STPG2: variants seen among roughly 807,000 people sequenced by gnomAD.
STPG2 encodes sperm-tail PG-rich repeat-containing protein 2.
A neutral mutation model predicts 54.2 loss-of-function variants in STPG2; 56 were observed. The ratio of observed to expected loss-of-function variants is 1.03; its 90% CI spans 0.83 to 1.29. The LOEUF is 1.29. Among genes scored for constraint, STPG2 ranks in the 50% most tolerant of loss-of-function variants. The probability of loss-of-function intolerance (pLI) is 0.00; values close to 1 mark genes in which losing one functional copy is unlikely to be tolerated. For missense variants in STPG2, 596 were observed against 544.9 expected (o/e 1.09, Z -0.93); for synonymous variants, 200 against 181.8 (o/e 1.10, Z -0.81).
At chr4:97,597,772 A>T (rs1424182563) in intron 10 of STPG2, among the ~76,000 whole-genome samples, 1 of 152,150 alleles carries the variant, frequency 6.6e-6, no homozygotes, top group African/African-American at 2.4e-5. Flanking sequence ...CCCACAACCT[A>T]CATCATACTG....
At chr4:97,504,839 C>T (rs1249612833) in intron 4 of STPG2, among the ~76,000 whole-genome samples, 3 of 151,908 alleles carry the variant, frequency 2.0e-5, no homozygotes, top group Non-Finnish European at 4.4e-5. Context: ...CCTACTATGT[C>T]CCAGGGACTA....
chr4:97,458,326 A>T (rs1258170352), intron 4 of STPG2, among the ~76,000 whole-genome samples: 1 of 152,192 alleles, frequency 6.6e-6, no homozygotes, highest in East Asian at 1.9e-4. Context: ...CTGAAGAACA[A>T]TTCATTTGTC....
chr4:97,464,526 C>T (rs1227295610), intron 4 of STPG2, among the ~76,000 whole-genome samples: 1 of 152,106 alleles, frequency 6.6e-6, no homozygotes, highest in Non-Finnish European at 1.5e-5. Flanking sequence ...AAGCAATTCT[C>T]CTGCCTCAGC....
intron 5 of STPG2, among the ~76,000 whole-genome samples, chr4:98,053,361 T>G (rs1388746187): frequency 6.6e-6 from 1 of 152,138 alleles, no homozygotes; most frequent in Admixed American, 6.6e-5. Flanking sequence ...ACACATCTGT[T>G]GCTAATCATA....
downstream of STPG2, among the ~76,000 whole-genome samples, chr4:97,555,868 G>C (rs547981505): frequency 2.0e-5 from 3 of 152,134 alleles, no homozygotes; most frequent in South Asian, 6.2e-4. Context: ...CTCTTGCTCT[G>C]AGTAAGTCAT....
chr4:98,018,473 A>C (rs972399201), intron 5 of STPG2, among the ~76,000 whole-genome samples: 3 of 152,220 alleles, frequency 2.0e-5, no homozygotes, highest in African/African-American at 7.2e-5. Flanking sequence ...TGCCACAATA[A>C]ACATACGTGT....
At chr4:97,810,462 CAAAA>C (rs11386288) in intron 9 of STPG2, among the ~76,000 whole-genome samples, 1 of 112,972 alleles carries the variant, frequency 8.9e-6, no homozygotes, top group Admixed American at 9.6e-5. Context: ...GACTCTGTCT[CAAAA>C]AAAAAAAAAA....
intron 4 of STPG2, among the ~76,000 whole-genome samples, chr4:97,523,974 G>T (rs186431939): frequency 1.2e-4 from 19 of 152,014 alleles, no homozygotes; most frequent in Admixed American, 1.2e-3. Context: ...ATCTCTGAAG[G>T]AGGACTCAGA....
At chr4:97,822,616 A>G (rs2149105829) in intron 9 of STPG2, among the ~76,000 whole-genome samples, 1 of 152,376 alleles carries the variant, frequency 6.6e-6, no homozygotes, top group East Asian at 1.9e-4. Flanking sequence ...GTACAAGCAT[A>G]GTGCTGATAC....
intron 9 of STPG2, among the ~76,000 whole-genome samples, chr4:97,755,177 A>G (rs184608252): frequency 4.6e-5 from 7 of 152,320 alleles, no homozygotes; most frequent in Admixed American, 4.6e-4. Context: ...ATAAACAGGC[A>G]TCTTTAATTA....
Position 97,742,559 on chromosome 4 carries a change from G to GTATA in STPG2, c.1205-29746_1205-29745insTATA, listed in dbSNP as rs1190365992. On this transcript the variant is annotated intron_variant, in intron 9 of 10. Transcript: ENST00000295268. ...TGTGTGTGTGTGTGTGTGTGTGTGT[G>GTATA]TGTGTGTCTATATATATATGGAATA... Among the ~76,000 whole-genome samples, 25 of 132,720 alleles carry GTATA rather than the reference G, an allele frequency of 1.9e-4. 1 individual carries two copies. Among genetic ancestry groups the GTATA allele is most frequent in the Admixed American group, 6.7e-4 (9 of 13,384 alleles). 87.1% of individuals were successfully genotyped at this position (132,720 alleles called of 152,430 possible). A position where few individuals can be genotyped will look rare whatever the true frequency, so the allele number is the denominator to read the frequency against.
intron 5 of STPG2, among the ~76,000 whole-genome samples, chr4:98,082,397 T>A (rs967971045): frequency 2.0e-5 from 3 of 146,964 alleles, no homozygotes; most frequent in African/African-American, 7.5e-5. Flanking sequence ...GTGTACCTGG[T>A]CGCTTTTCTT....
intron 10 of STPG2, among the ~76,000 whole-genome samples, chr4:97,660,393 G>A (rs1454076506): frequency 1.3e-5 from 2 of 152,138 alleles, no homozygotes; most frequent in African/African-American, 4.8e-5. Flanking sequence ...TACCCCTCTT[G>A]CCTTGACAAG....
intron 8 of STPG2, among the ~76,000 whole-genome samples, chr4:97,841,695 GC>G (rs1354114387): frequency 9.2e-5 from 14 of 151,758 alleles, no homozygotes; most frequent in Non-Finnish European, 2.9e-5. Context: ...TTATGGCTAA[GC>G]ATGTGGACTC....
chr4:97,728,607 G>C (rs767606348), intron 9 of STPG2, among the ~76,000 whole-genome samples: 4 of 151,774 alleles, frequency 2.6e-5, no homozygotes, highest in Non-Finnish European at 4.4e-5. Flanking sequence ...CTTGGTGAAA[G>C]CCTTATTTGG....
chr4:98,080,185 T>A (rs150464675), intron 5 of STPG2, among the ~76,000 whole-genome samples: 14 of 152,320 alleles, frequency 9.2e-5, no homozygotes, highest in African/African-American at 3.4e-4. Context: ...GTAAAAATTG[T>A]TTAATGTAAA....
chr4:97,804,445 CT>C (rs1174755753), intron 9 of STPG2, among the ~76,000 whole-genome samples: 4 of 151,662 alleles, frequency 2.6e-5, no homozygotes, highest in Admixed American at 6.6e-5. Context: ...AAAGTTGAAA[CT>C]TTTTTTTCTA....
At chr4:97,547,722 T>C (rs974804441) in intron 4 of STPG2, among the ~76,000 whole-genome samples, 1 of 152,054 alleles carries the variant, frequency 6.6e-6, no homozygotes, top group African/African-American at 2.4e-5. Context: ...GTTTACTAGG[T>C]GGATTAACAA....
At chr4:97,903,456 A>C (rs1731258766) in intron 8 of STPG2, among the ~76,000 whole-genome samples, 1 of 152,158 alleles carries the variant, frequency 6.6e-6, no homozygotes, top group South Asian at 2.1e-4. Flanking sequence ...CTAAAAAAAA[A>C]ACAGCAAATT....
Sources: allele counts gnomAD v4.1 joint callset (sites outside exome capture counted in the v4.1 genomes callset), GRCh38; gene constraint gnomAD v4.1.1; transcripts MANE v1.5; gene names NCBI Gene and HGNC (gene_info 2026-07-23, HGNC 2026-07-21).